Variants in ELF1 observed in about 807,000 individuals in gnomAD.
ELF1 encodes the protein ETS-related transcription factor Elf-1.
In ELF1, 24 loss-of-function variants were observed where a neutral mutation model predicts 59.9. The ratio of observed to expected loss-of-function variants is 0.40; its 90% CI spans 0.29 to 0.56. The LOEUF is 0.56. Among genes scored for constraint, ELF1 ranks in the 20% least tolerant of loss-of-function variants. ELF1 has a pLI of 0.44. For missense variants in ELF1, 627 were observed against 742.2 expected (o/e 0.84, Z 1.80); for synonymous variants, 248 against 266.2 (o/e 0.93, Z 0.67).
At chr13:41,030,531 C>T (rs1876118587) in intron 1 of ELF1, among the ~76,000 whole-genome samples, 1 of 151,926 alleles carries the variant, frequency 6.6e-6, no homozygotes, top group Non-Finnish European at 1.5e-5. Flanking sequence ...TCACTTGAGC[C>T]CAGAAGTTTA....
chr13:40,997,353 G>A (rs1339460447), intron 1 of ELF1, among the ~76,000 whole-genome samples: 1 of 152,052 alleles, frequency 6.6e-6, no homozygotes, highest in East Asian at 1.9e-4. Flanking sequence ...CACCTCCTAG[G>A]TTCAAGCGAT....
intron 2 of ELF1, among the ~76,000 whole-genome samples, chr13:40,961,442 CCT>C (rs984947823): frequency 6.6e-6 from 1 of 152,116 alleles, no homozygotes; most frequent in Non-Finnish European, 1.5e-5. Flanking sequence ...GTCCCAGCTA[CCT>C]GGAAGGCTGA....
chr13:41,005,573 T>TCA (rs945792240), intron 1 of ELF1, among the ~76,000 whole-genome samples: 1 of 151,952 alleles, frequency 6.6e-6, no homozygotes, highest in African/African-American at 2.4e-5. Flanking sequence ...TGGCTTCTTA[T>TCA]CAGCACTCTC....
intron 1 of ELF1, among the ~76,000 whole-genome samples, chr13:41,048,262 C>T (rs1054070962): frequency 2.6e-5 from 4 of 152,224 alleles, no homozygotes; most frequent in African/African-American, 4.8e-5. Context: ...GGCTCACGCT[C>T]GGTGGCCTGC....
intron 1 of ELF1, among the ~76,000 whole-genome samples, chr13:41,056,765 A>T (rs1040067600): frequency 6.6e-6 from 1 of 152,226 alleles, no homozygotes; most frequent in Non-Finnish European, 1.5e-5. Flanking sequence ...AAATGAAAAA[A>T]ATGTCATAAA....
intron 1 of ELF1, chr13:40,982,953 A>C: frequency 1.2e-6 from 1 of 812,504 alleles, no homozygotes; most frequent in Non-Finnish European, 1.5e-6. Context: ...AGGAAACAGC[A>C]CTTGACCACG....
At chr13:40,953,480 A>G (rs965289944) in intron 3 of ELF1, among the ~76,000 whole-genome samples, 1 of 152,214 alleles carries the variant, frequency 6.6e-6, no homozygotes, top group Non-Finnish European at 1.5e-5. Context: ...ACATAAGACC[A>G]TGTGAAGACA....
chr13:41,031,104 A>C (rs760230321), intron 1 of ELF1, among the ~76,000 whole-genome samples: 2 of 151,890 alleles, frequency 1.3e-5, no homozygotes, highest in Non-Finnish European at 2.9e-5. Flanking sequence ...GGCTGCAGTA[A>C]GCCATAATGG....
chr13:41,060,414 T>C (rs890631270), intron 1 of ELF1, among the ~76,000 whole-genome samples: 14 of 152,000 alleles, frequency 9.2e-5, no homozygotes, highest in African/African-American at 3.1e-4. Context: ...GAGTTAATCA[T>C]CACCTCCCGG....
At chr13:41,028,942 A>C (rs1209767114) in intron 1 of ELF1, among the ~76,000 whole-genome samples, 1 of 152,016 alleles carries the variant, frequency 6.6e-6, no homozygotes, top group Non-Finnish European at 1.5e-5. Context: ...ACGGGGTTTC[A>C]CCATATTGGC....
In ELF1 at chr13:40,959,066, T is replaced by C. The variant is rs772337405; in HGVS notation, c.73-50A>G. ...ATGAAAACAAAGGATTAACACAGTT[T>C]TGCTTTTGTTAAATAATGCTCAAAA... On this transcript the variant is annotated intron_variant, in intron 2 of 8. Coordinates refer to ENST00000239882, the MANE Select transcript of ELF1 (RefSeq NM_172373.4). 2.0e-6 allele frequency: 3 copies of C among 1,524,088 alleles called. No homozygotes were observed. The East Asian group carries it at 6.8e-5, about 35-fold the overall frequency. The allele number at this position is 1,524,088 out of a possible 1,614,324, so 94.4% of individuals were successfully genotyped here.
chr13:40,956,683 T>G (rs992168443), intron 3 of ELF1, among the ~76,000 whole-genome samples: 2 of 151,948 alleles, frequency 1.3e-5, no homozygotes, highest in African/African-American at 4.8e-5. Context: ...CTATTACTTT[T>G]TTTTTTTTAA....
In ELF1 at chr13:41,061,342, G is replaced by C. The variant is rs1877616256; in HGVS notation, c.-733C>G. 8.7e-6 allele frequency: 4 copies of C among 458,294 alleles called. No homozygotes were observed. The South Asian group carries it at 9.9e-5, about 11-fold the overall frequency. The allele number at this position is 458,294 out of a possible 1,614,324, so 28.4% of individuals were successfully genotyped here. ...ACGGCGGGATGGCGCAGGGACTTGA[G>C]GCTTGAGATCCCGTCCTTCAGCTCA... On this transcript the variant is annotated 5_prime_UTR_variant, in exon 1 of 2. Transcript: ENST00000405737.
chr13:40,983,882 C>A (rs750247777), intron 1 of ELF1, among the ~76,000 whole-genome samples: 1 of 152,212 alleles, frequency 6.6e-6, no homozygotes. Flanking sequence ...CCTATGCCTG[C>A]AACACACCCA....
chr13:40,995,709 A>G (rs889334317), intron 1 of ELF1, among the ~76,000 whole-genome samples: 1 of 152,002 alleles, frequency 6.6e-6, no homozygotes, highest in African/African-American at 2.4e-5. Flanking sequence ...CCCTTCCCAG[A>G]TATTAACTCA....
At chr13:40,971,887 G>A (rs1373082235) in intron 2 of ELF1, among the ~76,000 whole-genome samples, 3 of 151,914 alleles carry the variant, frequency 2.0e-5, no homozygotes, top group Non-Finnish European at 4.4e-5. Flanking sequence ...TTGGTGGGTT[G>A]TGTATGTGTG....
chr13:41,032,545 T>C (rs1369653647), intron 1 of ELF1, among the ~76,000 whole-genome samples: 1 of 151,922 alleles, frequency 6.6e-6, no homozygotes. Context: ...GTAAAACAAA[T>C]ATTCTATTTA....
chr13:41,030,615 G>A (rs1876120610), intron 1 of ELF1, among the ~76,000 whole-genome samples: 1 of 151,984 alleles, frequency 6.6e-6, no homozygotes, highest in Non-Finnish European at 1.5e-5. Context: ...GCCAGACTTG[G>A]TGGTGTGTGC....
At chr13:40,960,042 C>T (rs992800191) in intron 2 of ELF1, among the ~76,000 whole-genome samples, 3 of 152,298 alleles carry the variant, frequency 2.0e-5, no homozygotes, top group African/African-American at 7.2e-5. Flanking sequence ...CATTTAACCA[C>T]ATCTATTTAT....
Sources: allele counts gnomAD v4.1 joint callset (sites outside exome capture counted in the v4.1 genomes callset), GRCh38; gene constraint gnomAD v4.1.1; transcripts MANE v1.5; gene names NCBI Gene and HGNC (gene_info 2026-07-23, HGNC 2026-07-21).